Variants in RCOR1 observed in about 807,000 individuals in gnomAD.
RCOR1 encodes REST corepressor.
Under a neutral mutation model 64.0 loss-of-function variants are expected in RCOR1, and 12 were observed. The ratio of observed to expected loss-of-function variants is 0.19; its 90% CI spans 0.12 to 0.30. RCOR1 has a LOEUF of 0.30. Among genes scored for constraint, RCOR1 ranks in the 10% least tolerant of loss-of-function variants. The probability of loss-of-function intolerance (pLI) is 1.00; values close to 1 mark genes in which losing one functional copy is unlikely to be tolerated. For synonymous variants in RCOR1, 279 were observed against 227.2 expected (o/e 1.23, Z -2.05); for missense variants, 502 against 621.2 (o/e 0.81, Z 2.04).
chr14:102,682,085 T>G (rs1567434317), intron 3 of RCOR1, 107 bp downstream of exon 3: 3 of 640,178 alleles, frequency 4.7e-6, no homozygotes, highest in South Asian at 2.4e-5. Flanking sequence ...TTTTCTATTT[T>G]AAGATAAATA....
At chr14:102,714,023 T>C (rs190148474) in intron 7 of RCOR1, among the ~76,000 whole-genome samples, 1 of 152,354 alleles carries the variant, frequency 6.6e-6, no homozygotes, top group Admixed American at 6.5e-5. Flanking sequence ...GCCGTAAAAA[T>C]TGTGTTATCC....
chr14:102,708,058 C>T (rs1311618400), intron 5 of RCOR1, among the ~76,000 whole-genome samples: 3 of 151,884 alleles, frequency 2.0e-5, no homozygotes, highest in Non-Finnish European at 4.4e-5. Flanking sequence ...CTCCGCCTCC[C>T]GGGTTCACGC....
intron 2 of RCOR1, among the ~76,000 whole-genome samples, chr14:102,675,947 T>C (rs1285646051): frequency 6.6e-6 from 1 of 152,220 alleles, no homozygotes; most frequent in Non-Finnish European, 1.5e-5. Flanking sequence ...TTCACTATTT[T>C]TGTTGCTGTG....
intron 2 of RCOR1, among the ~76,000 whole-genome samples, chr14:102,632,996 T>C (rs188749022): frequency 2.6e-4 from 39 of 151,588 alleles, no homozygotes; most frequent in Admixed American, 2.3e-3. Flanking sequence ...TTTTTACAGA[T>C]GGGGGTCTCA....
intron 4 of RCOR1, among the ~76,000 whole-genome samples, chr14:102,706,399 C>G (rs1895862076): frequency 6.6e-6 from 1 of 151,744 alleles, no homozygotes; most frequent in African/African-American, 2.4e-5. Flanking sequence ...CAAGTAGTAA[C>G]CAAAAGAAAG....
At chr14:102,647,830 C>T (rs1446155470) in intron 2 of RCOR1, among the ~76,000 whole-genome samples, 1 of 152,032 alleles carries the variant, frequency 6.6e-6, no homozygotes, top group Non-Finnish European at 1.5e-5. Flanking sequence ...AGACGCGTGC[C>T]ACCACACCTG....
At chr14:102,649,594 G>A (rs915788365) in intron 2 of RCOR1, 4 of 156,140 alleles carry the variant, frequency 2.6e-5, no homozygotes, top group Non-Finnish European at 5.6e-5. Context: ...CAGAGGCAGC[G>A]TTTTCTAGCG....
At chr14:102,605,797 A>G (rs1414121882) in intron 2 of RCOR1, among the ~76,000 whole-genome samples, 2 of 152,180 alleles carry the variant, frequency 1.3e-5, no homozygotes, top group Admixed American at 1.3e-4. Flanking sequence ...TTACTCTAGA[A>G]TATGACACCT....
intron 2 of RCOR1, among the ~76,000 whole-genome samples, chr14:102,632,487 G>A (rs1179342771): frequency 6.6e-6 from 1 of 151,838 alleles, no homozygotes; most frequent in Non-Finnish European, 1.5e-5. Context: ...TTACAAGCGC[G>A]AGCCACCGCG....
At chr14:102,604,592 T>C (rs577062208) in intron 2 of RCOR1, among the ~76,000 whole-genome samples, 1 of 152,342 alleles carries the variant, frequency 6.6e-6, no homozygotes, top group African/African-American at 2.4e-5. Context: ...TGGTTGAACC[T>C]AATAACTTGC....
At chr14:102,671,415 A>G (rs1895030266) in intron 2 of RCOR1, among the ~76,000 whole-genome samples, 1 of 151,290 alleles carries the variant, frequency 6.6e-6, no homozygotes, top group Admixed American at 6.6e-5. Flanking sequence ...TTTTAAAGAG[A>G]CAGGGTCTCT....
chr14:102,602,987 T>A (rs934131807), intron 2 of RCOR1, among the ~76,000 whole-genome samples: 12 of 152,332 alleles, frequency 7.9e-5, no homozygotes, highest in African/African-American at 2.9e-4. Context: ...ATTACAGGCA[T>A]GAGTCACTGT....
chr14:102,667,358 G>T (rs1010810578), intron 2 of RCOR1, among the ~76,000 whole-genome samples: 9 of 151,936 alleles, frequency 5.9e-5, no homozygotes, highest in African/African-American at 2.2e-4. Flanking sequence ...AAAACTAGCC[G>T]GGCGTGGTGG....
At chr14:102,681,665 G>A (rs976092864) in intron 2 of RCOR1, among the ~76,000 whole-genome samples, 2 of 152,184 alleles carry the variant, frequency 1.3e-5, no homozygotes, top group African/African-American at 4.8e-5. Context: ...ATGCCTAAAA[G>A]CAGAGCAGCA....
chr14:102,634,141 G>A (rs1374062895), intron 2 of RCOR1, among the ~76,000 whole-genome samples: 1 of 152,036 alleles, frequency 6.6e-6, no homozygotes, highest in Non-Finnish European at 1.5e-5. Context: ...TCTTGCCCAG[G>A]GTTGAGGGTG....
At chr14:102,651,690 C>T (rs1172947838) in intron 2 of RCOR1, among the ~76,000 whole-genome samples, 2 of 152,136 alleles carry the variant, frequency 1.3e-5, no homozygotes, top group African/African-American at 4.8e-5. Flanking sequence ...AATAAGCACA[C>T]TTGCAAAATA....
intron 2 of RCOR1, among the ~76,000 whole-genome samples, chr14:102,676,985 A>C (rs1595225287): frequency 1.2e-5 from 1 of 86,806 alleles, no homozygotes; most frequent in Non-Finnish European, 2.2e-5. Flanking sequence ...GCGGCCGGGC[A>C]GAGGCGCCCC....
At chr14:102,607,018 C>G (rs1893525416) in intron 2 of RCOR1, among the ~76,000 whole-genome samples, 1 of 149,350 alleles carries the variant, frequency 6.7e-6, no homozygotes, top group South Asian at 2.1e-4. Flanking sequence ...ACTGCAGCCT[C>G]TGCCTCCCGG....
intron 2 of RCOR1, among the ~76,000 whole-genome samples, chr14:102,646,596 A>G (rs980754793): frequency 5.3e-5 from 8 of 152,358 alleles, no homozygotes; most frequent in African/African-American, 1.7e-4. Flanking sequence ...AAGACAGACA[A>G]AAAGAGAAAG....
Sources: gnomAD v4.1 joint callset for allele counts (sites outside exome capture counted in the v4.1 genomes callset) on GRCh38, gnomAD v4.1.1 for gene constraint, MANE v1.5 for transcripts, NCBI Gene and HGNC (gene_info 2026-07-23, HGNC 2026-07-21) for gene names.